BOC: variants seen among roughly 807,000 people sequenced by gnomAD.
BOC encodes the protein BOC cell adhesion associated, oncogene regulated, also known as brother of CDO.
BOC carries 76 observed loss-of-function variants against 112.0 expected under a neutral mutation model. That is an observed-to-expected ratio of 0.68 (90% confidence interval 0.56 to 0.82). The LOEUF (loss-of-function observed/expected upper bound fraction) is 0.82, where lower values mean the gene tolerates loss of function less well. BOC is among the 40% of genes least tolerant of loss of function. BOC has a pLI of 0.00. For synonymous variants in BOC, 580 were observed against 599.8 expected (o/e 0.97, Z 0.48); for missense variants, 1,309 against 1,511.7 (o/e 0.87, Z 2.22).
chr3:113,224,697 T>A (rs1941356808), intron 2 of BOC, among the ~76,000 whole-genome samples: 1 of 152,084 alleles, frequency 6.6e-6, no homozygotes, highest in South Asian at 2.1e-4. Context: ...CAGTGGCTCA[T>A]GCCTGTAATC....
At position 113,273,358 on chromosome 3, in the gene BOC, G is replaced by T; in HGVS notation, c.1234+17G>T. 6.4e-7 allele frequency: 1 copy of T among 1,570,088 alleles called. No individual in the cohort carries two copies. Among genetic ancestry groups the T allele is most frequent in the Non-Finnish European group, 8.7e-7 (1 of 1,149,670 alleles). Reference sequence around the variant, plus strand: ...CCAGGCCAAGTGAGTGTAGCCCAGGGGTCTGAGATTCCAGCTGATGATTCA... The same window carrying T: ...CCAGGCCAAGTGAGTGTAGCCCAGGTGTCTGAGATTCCAGCTGATGATTCA... On this transcript the variant is annotated intron_variant, in intron 8 of 19. Coordinates refer to ENST00000682979, the MANE Select transcript of BOC (RefSeq NM_001378074.1).
intron 4 of BOC, among the ~76,000 whole-genome samples, chr3:113,259,382 G>T (rs1188186671): frequency 1.3e-5 from 2 of 152,226 alleles, no homozygotes; most frequent in Non-Finnish European, 2.9e-5. Flanking sequence ...AACACAGTTT[G>T]AGGAGCCTTT....
At chr3:113,275,017 C>T (rs1210182237) in intron 9 of BOC, among the ~76,000 whole-genome samples, 4 of 152,228 alleles carry the variant, frequency 2.6e-5, no homozygotes, top group Admixed American at 2.6e-4. Context: ...CCATCACCCT[C>T]CTTCTTGCTT....
At chr3:113,235,668 G>A (rs1171345981) in intron 2 of BOC, among the ~76,000 whole-genome samples, 1 of 152,186 alleles carries the variant, frequency 6.6e-6, no homozygotes, top group African/African-American at 2.4e-5. Context: ...TAGAGATGGA[G>A]ACATTAGGAA....
intron 2 of BOC, chr3:113,216,480 C>T: frequency 6.5e-6 from 2 of 307,664 alleles, no homozygotes; most frequent in South Asian, 2.8e-5. Context: ...CTATGTGAAC[C>T]CCCTTGCTCT....
intron 2 of BOC, among the ~76,000 whole-genome samples, chr3:113,222,308 C>T (rs1203141342): frequency 6.6e-6 from 1 of 152,010 alleles, no homozygotes. Flanking sequence ...TGCTAGTTTG[C>T]AGGCCTTTTC....
In BOC at chr3:113,286,766, C is replaced by A; in HGVS notation, c.3252C>A (p.His1084Gln). The A allele has an allele frequency of 6.2e-7, 1 of 1,613,904 alleles. No homozygotes were observed. Among genetic ancestry groups the A allele is most frequent in the Non-Finnish European group, 8.5e-7 (1 of 1,179,868 alleles). Residue 1084 changes from histidine to glutamine, a missense_variant, in exon 20 of 20, where the codon CAC (histidine) becomes CAA (glutamine). By Grantham distance (24) the His-to-Gln change is conservative (BLOSUM62 0). Coordinates refer to ENST00000682979, the MANE Select transcript of BOC (RefSeq NM_001378074.1). ...GTGGAGGAGACTGGTGTCCCCAGCA[C>A]CCCGTAGGGGCCTACGTAGGACAGG... ...QVSGGDWCPQ[H>Q]PVGAYVGQEP...
chr3:113,284,944 G>A (rs1288967250), intron 18 of BOC, 86 bp downstream of exon 18: 2 of 1,251,404 alleles, frequency 1.6e-6, no homozygotes, highest in African/African-American at 1.5e-5. Flanking sequence ...GTCACTGAGA[G>A]CCAAGCAGTA....
At position 113,279,932 on chromosome 3, in the gene BOC, A is replaced by G. The variant is rs373715483; in HGVS notation, c.2132A>G (p.Glu711Gly). Residue 711 changes from glutamate to glycine, a missense_variant, in exon 13 of 20, where the codon GAG becomes GGG. By Grantham distance (98) the Glu-to-Gly change is moderately conservative. Transcript: ENST00000682979. ...VVSGYSGRVY[E>G]RPVAGPYITF... The stretch of plus-strand genomic sequence containing the variant: ...TCGGGCTACAGCGGTCGCGTGTACG[A>G]GAGGCCCGTGGCAGGTCCTTATATC... The G allele has an allele frequency of 1.2e-6, 2 of 1,613,976 alleles. No homozygotes were observed. The highest frequency in any genetic ancestry group is 1.7e-6 in the Non-Finnish European group (2 of 1,179,978).
intron 2 of BOC, among the ~76,000 whole-genome samples, chr3:113,236,415 C>G (rs1014154329): frequency 4.5e-5 from 6 of 133,024 alleles, no homozygotes; most frequent in African/African-American, 1.6e-4. Flanking sequence ...AACTCAGAAA[C>G]AAAAAGCCAA....
In BOC at chr3:113,233,148, G is replaced by GGGTGTGTGTGTGTGTGT. The variant is rs75678874; in HGVS notation, c.-81-16573_-81-16572insGTGTGTGTGTGTGTGTG. Among the ~76,000 whole-genome samples, 12 of 124,030 alleles carry GGGTGTGTGTGTGTGTGT rather than the reference G, an allele frequency of 9.7e-5. No individual in the cohort carries two copies. The East Asian group carries it at 2.8e-3, about 29-fold the overall frequency. 81.4% of individuals were successfully genotyped at this position (124,030 alleles called of 152,430 possible). A position where few individuals can be genotyped will look rare whatever the true frequency, so the allele number is the denominator to read the frequency against. On this transcript the variant is annotated intron_variant, in intron 2 of 19. Transcript: ENST00000682979. ...CATGCATGAGCATGTAAAGGATTGG[G>GGGTGTGTGTGTGTGTGT]GTGTGTGTGTGTGTGTGTGTGTGTG...
rs761050146 is a variant in BOC at position 113,285,578 on chromosome 3, A to G, written c.3160+13A>G. The G allele has an allele frequency of 6.4e-7, 1 of 1,557,536 alleles. No individual in the cohort carries two copies. Among genetic ancestry groups the G allele is most frequent in the Middle Eastern group, 1.7e-4 (1 of 5,796 alleles). On this transcript the variant is annotated intron_variant, in intron 19 of 19. Coordinates refer to ENST00000682979, the MANE Select transcript of BOC (RefSeq NM_001378074.1). ...CCATTTCACTCAGGTTGGTTCCAGG[A>G]GCAGGGCAGGGAAATTAAACAGGCT...
In BOC at chr3:113,255,401, A is replaced by G. The variant is rs528516943; in HGVS notation, c.376+4568A>G. 9.2e-5 allele frequency among the ~76,000 whole-genome samples: 14 copies of G among 152,344 alleles called. No homozygotes were observed. The South Asian group carries it at 2.7e-3, about 29-fold the overall frequency. ...GGCAAGGAGTCACAACCGACTCATC[A>G]GAGCTGGCAGTGGAAAAGCTGTTCT... is the stretch of plus-strand genomic sequence containing the variant. On this transcript the variant is annotated intron_variant, in intron 4 of 19. Coordinates refer to ENST00000682979, the MANE Select transcript of BOC (RefSeq NM_001378074.1).
chr3:113,279,474 CGT>C lies in BOC; in HGVS notation c.2023+21_2023+22del, dbSNP rs1559883121. On this transcript the variant is annotated intron_variant, in intron 12 of 19. Coordinates refer to ENST00000682979, the MANE Select transcript of BOC (RefSeq NM_001378074.1). ...GAGAAAGGTAGGGGCCTGGCCACAC[CGT>C]GGCCTTGGCCTGATCCCCCAGCTGC... The C allele has an allele frequency of 6.2e-7, 1 of 1,608,216 alleles. No individual in the cohort carries two copies. The highest frequency in any genetic ancestry group is 1.1e-5 in the South Asian group (1 of 90,904).
chr3:113,260,487 A>G (rs1423385162), intron 4 of BOC, among the ~76,000 whole-genome samples: 1 of 152,188 alleles, frequency 6.6e-6, no homozygotes, highest in Admixed American at 6.5e-5. Flanking sequence ...ATTTGGCTCC[A>G]TGACCTAACA....
intron 2 of BOC, among the ~76,000 whole-genome samples, chr3:113,222,369 C>A (rs957963048): frequency 6.6e-6 from 1 of 152,026 alleles, no homozygotes; most frequent in Non-Finnish European, 1.5e-5. Context: ...GAAATAATTA[C>A]ATATAGATTT....
rs543356564 is a variant in BOC at position 113,268,513 on chromosome 3, G to A, written c.523+68G>A. The A allele has an allele frequency of 3.3e-5, 50 of 1,495,450 alleles. No individual in the cohort carries two copies. In the South Asian group the frequency reaches 4.3e-4, roughly 13 times the overall value. 92.6% of individuals were successfully genotyped at this position (1,495,450 alleles called of 1,614,324 possible). A position where few individuals can be genotyped will look rare whatever the true frequency, so the allele number is the denominator to read the frequency against. On this transcript the variant is annotated intron_variant, in intron 5 of 19. Transcript: ENST00000682979. ...GGAAGCTGGCCTCCTCCAACCGCTC[G>A]CTGCTCAACAAAGCTAGGGCAGCTG...
intron 6 of BOC, chr3:113,271,465 C>A: frequency 3.2e-6 from 1 of 316,052 alleles, no homozygotes; most frequent in South Asian, 2.7e-5. Flanking sequence ...CCTTTCTGTG[C>A]GCTTGCCTGG....
In BOC at chr3:113,270,894, T is replaced by C; in HGVS notation, c.617T>C (p.Val206Ala). ...GMYKCAAYNPVTQEVKTSGSS... is the reference protein window; with the variant it reads ...GMYKCAAYNPATQEVKTSGSS... ...TACAAGTGTGCAGCCTACAACCCAG[T>C]GACCCAGGAAGTGAAAACCTCCGGC... Residue 206 changes from valine to alanine, a missense_variant, in exon 6 of 20, where the codon GTG becomes GCG. Coordinates refer to ENST00000682979, the MANE Select transcript of BOC (RefSeq NM_001378074.1). 6.2e-7 allele frequency: 1 copy of C among 1,614,180 alleles called. No homozygotes were observed. Among genetic ancestry groups the C allele is most frequent in the Non-Finnish European group, 8.5e-7 (1 of 1,180,034 alleles).
Sources: gnomAD v4.1 joint callset for allele counts (sites outside exome capture counted in the v4.1 genomes callset) on GRCh38, gnomAD v4.1.1 for gene constraint, MANE v1.5 for transcripts, NCBI Gene and HGNC (gene_info 2026-07-23, HGNC 2026-07-21) for gene names.